EGF: variants seen among roughly 807,000 people sequenced by gnomAD.
EGF encodes pro-epidermal growth factor.
Under a neutral mutation model 143.8 loss-of-function variants are expected in EGF, and 95 were observed. The ratio of observed to expected loss-of-function variants is 0.66; its 90% CI spans 0.56 to 0.78. The LOEUF (loss-of-function observed/expected upper bound fraction) is 0.78, where lower values mean the gene tolerates loss of function less well. Ranked by LOEUF, EGF falls within the 30% of genes least tolerant of loss-of-function variation. The probability of loss-of-function intolerance (pLI) is 0.00; values close to 1 mark genes in which losing one functional copy is unlikely to be tolerated. For synonymous variants in EGF, 510 were observed against 510.5 expected (o/e 1.00, Z 0.01); for missense variants, 1,320 against 1,470.9 (o/e 0.90, Z 1.68).
rs186901182 is a variant in EGF, at chr4:109,959,179, T to A, written c.941-133T>A. On this transcript the variant is annotated intron_variant, in intron 5 of 23. Coordinates refer to ENST00000265171, the MANE Select transcript of EGF (RefSeq NM_001963.6). ...GATGCTGGGGAATCTGGGCTCTGGC[T>A]AAGTTTGCCTCCGTGAGAGATGCAG... 175 of 1,419,090 alleles carry A rather than the reference T, an allele frequency of 1.2e-4. No individual in the cohort carries two copies. In the African/African-American group the frequency reaches 2.2e-3, roughly 18 times the overall value. 87.9% of individuals were successfully genotyped at this position (1,419,090 alleles called of 1,614,324 possible). A position where few individuals can be genotyped will look rare whatever the true frequency, so the allele number is the denominator to read the frequency against.
chr4:109,976,247 G>A lies in EGF; in HGVS notation c.2053+12G>A. The A allele has an allele frequency of 6.2e-7, 1 of 1,610,686 alleles. No individual in the cohort carries two copies. The highest frequency in any genetic ancestry group is 2.2e-5 in the East Asian group (1 of 44,834). ...CCAGAATGATGTAGGTGAGGCTTTG[G>A]GATGGGCGATTTTTTCATCTTGACT... On this transcript the variant is annotated intron_variant, in intron 13 of 23. Transcript: ENST00000265171.
Position 109,988,762 on chromosome 4 carries a change from G to A in EGF, c.2734+53G>A, listed in dbSNP as rs929545412. 4.8e-5 allele frequency: 78 copies of A among 1,611,040 alleles called. No individual in the cohort carries two copies. In the Middle Eastern group the frequency reaches 7.3e-4, roughly 15 times the overall value. Reference sequence around the variant, plus strand: ...GGGCAGAGGCAGGCCTCAGAAATCGGGAAACAATGTGGGTGCATGAGCAGA... The same window carrying A: ...GGGCAGAGGCAGGCCTCAGAAATCGAGAAACAATGTGGGTGCATGAGCAGA... On this transcript the variant is annotated intron_variant, in intron 18 of 23. Coordinates refer to ENST00000265171, the MANE Select transcript of EGF (RefSeq NM_001963.6).
chr4:109,934,724 G>A (rs1297405358), intron 1 of EGF, among the ~76,000 whole-genome samples: 1 of 152,150 alleles, frequency 6.6e-6, no homozygotes, highest in Non-Finnish European at 1.5e-5. Context: ...AATCAATCTT[G>A]AGTAAATTTT....
Position 109,968,957 on chromosome 4 carries a change from GT to G in EGF, c.1576-12del. The G allele has an allele frequency of 6.2e-7, 1 of 1,613,992 alleles. No homozygotes were observed. Among genetic ancestry groups the G allele is most frequent in the South Asian group, 1.1e-5 (1 of 91,080 alleles). ...TTAAAAAAAAATCAGAAATGCCTGT[GT>G]TCTCTTTTGTAGATATACTTTGCCC... On this transcript the variant is annotated splice_polypyrimidine_tract_variant and intron_variant, in intron 10 of 23. Transcript: ENST00000265171.
intron 1 of EGF, 40 bp from the exon 2 acceptor site, chr4:109,940,904 AAT>A (rs1741816470): frequency 6.3e-7 from 1 of 1,584,830 alleles, no homozygotes; most frequent in South Asian, 1.1e-5. Flanking sequence ...AATGAGATAA[AAT>A]ATTAAAAGTA....
Position 109,980,994 on chromosome 4 carries a change from T to A in EGF, c.2371+19T>A, listed in dbSNP as rs569240952. ...TTGGCAGGTAATATAATAAATTATG[T>A]GGCAAATTACCTAACGTTGGCTCAG... is the stretch of plus-strand genomic sequence containing the variant. On this transcript the variant is annotated intron_variant, in intron 15 of 23. Coordinates refer to ENST00000265171, the MANE Select transcript of EGF (RefSeq NM_001963.6). 1.2e-6 allele frequency: 2 copies of A among 1,614,062 alleles called. No individual in the cohort carries two copies. Among genetic ancestry groups the A allele is most frequent in the South Asian group, 1.1e-5 (1 of 91,082 alleles).
At chr4:109,979,646 T>G (rs546685370) in intron 13 of EGF, among the ~76,000 whole-genome samples, 1 of 152,286 alleles carries the variant, frequency 6.6e-6, no homozygotes, top group East Asian at 1.9e-4. Context: ...TAGCGACAGA[T>G]GTACTAAACA....
At chr4:109,958,917 CAAAAAAAAA>C (rs57909689) in intron 5 of EGF, among the ~76,000 whole-genome samples, 12 of 98,594 alleles carry the variant, frequency 1.2e-4, no homozygotes, top group African/African-American at 4.5e-4. Flanking sequence ...GACCCTGTCT[CAAAAAAAAA>C]AAAAAAAAAA....
chr4:109,988,591 T>C lies in EGF; in HGVS notation c.2616T>C (p.Asp872=), dbSNP rs972775117. ...AGDGKLCSDI[D]ECEMGVPVCP... is the part of the protein sequence containing the mutation. ...TCATAATTTTGCCCACAGATATAGA[T>C]GAATGTGAGATGGGTGTCCCAGTGT... is the stretch of plus-strand genomic sequence containing the variant. The change falls in exon 18 of 24, where the codon GAT becomes GAC. Residue 872 remains aspartate (D), a synonymous_variant. Transcript: ENST00000265171. The C allele has an allele frequency of 6.2e-6, 10 of 1,613,912 alleles. No individual in the cohort carries two copies. The highest frequency in any genetic ancestry group is 7.6e-6 in the Non-Finnish European group (9 of 1,179,912).
At chr4:109,961,049 A>C (rs1162916480) in intron 7 of EGF, 60 bp downstream of exon 7, 15 of 1,594,060 alleles carry the variant, frequency 9.4e-6, no homozygotes, top group Non-Finnish European at 1.3e-5. Flanking sequence ...TATGTTTCTA[A>C]GGTGGCTATG....
At chr4:109,958,747 G>A (rs11568923) in intron 5 of EGF, among the ~76,000 whole-genome samples, 2,205 of 151,658 alleles carry the variant, frequency 0.015, 53 homozygotes, top group African/African-American at 0.049. Flanking sequence ...GGCCAACCCC[G>A]TCTCTACTAA....
In EGF at chr4:109,961,903, T is replaced by C; in HGVS notation, c.1230T>C (p.His410=). The C allele has an allele frequency of 3.7e-6, 6 of 1,613,986 alleles. No individual in the cohort carries two copies. Among genetic ancestry groups the C allele is most frequent in the Non-Finnish European group, 5.1e-6 (6 of 1,179,870 alleles). ...SCPRNVSECS[H]DCVLTSEGPL... ...CACGCAATGTGTCTGAATGCAGCCA[T>C]GACTGTGTTCTGACATCAGAAGGTC... Residue 410 remains histidine (H), a synonymous_variant, in exon 8 of 24, where the codon CAT becomes CAC. Transcript: ENST00000265171.
In EGF at chr4:109,959,437, G is replaced by T; in HGVS notation, c.1066G>T (p.Asp356Tyr). Residue 356 changes from aspartate (D) to tyrosine (Y), a missense_variant and splice_region_variant, in exon 6 of 24, where the codon GAT (aspartate) becomes TAT (tyrosine). Around this residue, in one of 5 missense-constraint regions of EGF, gnomAD observed 1,186 missense variants for 1,313.7 expected, o/e 0.90. Coordinates refer to ENST00000265171, the MANE Select transcript of EGF (RefSeq NM_001963.6). ...AAGTCGAGACCGGAAGTACTGTGAA[G>T]GTAATGACTGGAAGTACTGTGAAGG... ...ALSRDRKYCE[D>Y]VNECAFWNHG... The T allele has an allele frequency of 6.2e-7, 1 of 1,613,754 alleles. No individual in the cohort carries two copies. Among genetic ancestry groups the T allele is most frequent in the Non-Finnish European group, 8.5e-7 (1 of 1,179,788 alleles).
chr4:109,954,456 G>T (rs564308122), intron 5 of EGF, among the ~76,000 whole-genome samples: 1 of 152,282 alleles, frequency 6.6e-6, no homozygotes, highest in South Asian at 2.1e-4. Flanking sequence ...TTCTGGCTAG[G>T]TGATTTTTTT....
chr4:109,932,324 CTT>C (rs67237211), intron 1 of EGF, among the ~76,000 whole-genome samples: 5 of 108,630 alleles, frequency 4.6e-5, no homozygotes, highest in Admixed American at 1.0e-4. Flanking sequence ...TTTTCTTTCT[CTT>C]TTTTTTTTTT....
At chr4:109,943,092 C>G (rs1026382799) in intron 2 of EGF, among the ~76,000 whole-genome samples, 162 bp from the exon 3 acceptor site, 4 of 152,170 alleles carry the variant, frequency 2.6e-5, no homozygotes, top group Non-Finnish European at 5.9e-5. Context: ...TGCATCAAAA[C>G]AAAGGCACCG....
At chr4:109,963,643 A>G (rs1746072285) in intron 9 of EGF, among the ~76,000 whole-genome samples, 1 of 152,170 alleles carries the variant, frequency 6.6e-6, no homozygotes, top group South Asian at 2.1e-4. Context: ...TTATCTCTCT[A>G]CTGAATATAA....
In EGF at chr4:110,013,479, G is replaced by GT. The variant is rs1374772249; in HGVS notation, c.*2030dup. Among the ~76,000 whole-genome samples, 1 of 152,066 alleles carries GT rather than the reference G, an allele frequency of 6.6e-6. No individual in the cohort carries two copies. Among genetic ancestry groups the GT allele is most frequent in the East Asian group, 1.9e-4 (1 of 5,182 alleles). ...GGATTAAAGAAAAAACACACTTTGT[G>GT]TTTTTTAATCACCAAGGCACCCTGC... is the stretch of plus-strand genomic sequence containing the variant. On this transcript the variant is annotated 3_prime_UTR_variant, in exon 24 of 24. Coordinates refer to ENST00000265171, the MANE Select transcript of EGF (RefSeq NM_001963.6).
chr4:109,990,921 G>T (rs1750842663), intron 18 of EGF, among the ~76,000 whole-genome samples: 1 of 152,140 alleles, frequency 6.6e-6, no homozygotes, highest in Non-Finnish European at 1.5e-5. Context: ...CTTTCCTCTT[G>T]GTAGATGCTT....
Sources: gnomAD v4.1 joint callset for allele counts (sites outside exome capture counted in the v4.1 genomes callset) on GRCh38, gnomAD v4.1.1 for gene constraint, gnomAD v4.1.1 regional missense constraint, MANE v1.5 for transcripts, NCBI Gene and HGNC (gene_info 2026-07-23, HGNC 2026-07-21) for gene names.